RGL1: variants seen among roughly 807,000 people sequenced by gnomAD.
RGL1 encodes ral guanine nucleotide dissociation stimulator-like 1.
RGL1 carries 24 observed loss-of-function variants against 95.2 expected under a neutral mutation model. That is an observed-to-expected ratio of 0.25 (90% CI 0.18 to 0.35). The LOEUF (loss-of-function observed/expected upper bound fraction) is 0.35, where lower values mean the gene tolerates loss of function less well. RGL1 is among the 10% of genes least tolerant of loss of function. The pLI, the probability that RGL1 is intolerant of heterozygous loss-of-function variation, is 1.00. For synonymous variants in RGL1, 329 were observed against 344.9 expected (o/e 0.95, Z 0.51); for missense variants, 715 against 936.3 (o/e 0.76, Z 3.08).
chr1:183,895,234 A>G (rs1667622764), intron 9 of RGL1, among the ~76,000 whole-genome samples: 1 of 152,168 alleles, frequency 6.6e-6, no homozygotes, highest in African/African-American at 2.4e-5. Flanking sequence ...ACCAACATTT[A>G]TGGAGATGGA....
chr1:183,883,985 C>T (rs1302878830), intron 6 of RGL1, 75 bp downstream of exon 6: 2 of 1,479,886 alleles, frequency 1.4e-6, no homozygotes, highest in African/African-American at 1.4e-5. Flanking sequence ...GCCCCGGTGA[C>T]AGCAGTGGGA....
intron 2 of RGL1, among the ~76,000 whole-genome samples, chr1:183,839,579 G>C (rs968572559): frequency 6.6e-6 from 1 of 152,068 alleles, no homozygotes; most frequent in Non-Finnish European, 1.5e-5. Flanking sequence ...CACAACTTTC[G>C]TACTGGTTTT....
At chr1:183,867,608 T>C (rs1665915284) in intron 4 of RGL1, among the ~76,000 whole-genome samples, 1 of 151,492 alleles carries the variant, frequency 6.6e-6, no homozygotes, top group South Asian at 2.1e-4. Flanking sequence ...AATAGAGAAA[T>C]GGATGGAAGA....
At chr1:183,814,398 G>A (rs1174175549) in intron 2 of RGL1, among the ~76,000 whole-genome samples, 2 of 152,092 alleles carry the variant, frequency 1.3e-5, no homozygotes, top group Admixed American at 6.5e-5. Context: ...TGGTGGTTGG[G>A]GGTGGGGTGT....
In RGL1 at chr1:183,892,038, A is replaced by G. The variant is rs761302409; in HGVS notation, c.1056-39A>G. 2.0e-5 allele frequency: 31 copies of G among 1,521,818 alleles called. No individual in the cohort carries two copies. The Admixed American group carries it at 4.9e-4, about 24-fold the overall frequency. The allele number at this position is 1,521,818 out of a possible 1,614,324, so 94.3% of individuals were successfully genotyped here. On this transcript the variant is annotated intron_variant, in intron 8 of 17. Transcript: ENST00000360851. ...GGCCAAAAGTGTCGGGTTATTCCTAACTCTTCATTGTTAATATTTTCTTAA... is the reference window on the plus strand; with the variant it reads ...GGCCAAAAGTGTCGGGTTATTCCTAGCTCTTCATTGTTAATATTTTCTTAA...
intron 1 of RGL1, among the ~76,000 whole-genome samples, chr1:183,733,871 T>G (rs1478438259): frequency 1.3e-5 from 2 of 152,172 alleles, no homozygotes; most frequent in Non-Finnish European, 2.9e-5. Context: ...TATGTGAAAA[T>G]CATGGTGTTC....
intron 2 of RGL1, among the ~76,000 whole-genome samples, chr1:183,817,336 C>A (rs1254158940): frequency 6.6e-6 from 1 of 152,192 alleles, no homozygotes. Context: ...TCCTGGCCTC[C>A]CTGTTAGGAG....
intron 2 of RGL1, among the ~76,000 whole-genome samples, chr1:183,782,640 C>G (rs1558204375): frequency 1.3e-5 from 2 of 152,116 alleles, no homozygotes; most frequent in African/African-American, 4.8e-5. Flanking sequence ...ATGCAGAAGA[C>G]AGAATAGATA....
chr1:183,818,015 T>G (rs1662204045), intron 2 of RGL1, among the ~76,000 whole-genome samples: 1 of 152,200 alleles, frequency 6.6e-6, no homozygotes, highest in East Asian at 1.9e-4. Flanking sequence ...TATGATATTC[T>G]TTACAGAAAT....
intron 2 of RGL1, among the ~76,000 whole-genome samples, chr1:183,791,974 T>A (rs1660461163): frequency 6.6e-6 from 1 of 152,202 alleles, no homozygotes; most frequent in Admixed American, 6.5e-5. Context: ...ATGTATGTAC[T>A]AACTTAGAAG....
intron 1 of RGL1, among the ~76,000 whole-genome samples, chr1:183,700,738 G>C (rs1011793337): frequency 7.9e-5 from 12 of 152,042 alleles, no homozygotes; most frequent in African/African-American, 2.9e-4. Flanking sequence ...AAGAGACGGG[G>C]TTTCACCATG....
intron 2 of RGL1, among the ~76,000 whole-genome samples, chr1:183,823,718 A>G (rs1662654741): frequency 6.6e-6 from 1 of 152,210 alleles, no homozygotes; most frequent in Non-Finnish European, 1.5e-5. Flanking sequence ...GAAGTCAATG[A>G]ATATCATGTC....
intron 2 of RGL1, among the ~76,000 whole-genome samples, chr1:183,840,899 C>CAAACA (rs985612844): frequency 5.3e-5 from 8 of 151,414 alleles, no homozygotes; most frequent in Non-Finnish European, 1.2e-4. Flanking sequence ...CTCTAACAAA[C>CAAACA]AAACAAAACA....
At chr1:183,859,371 CT>C (rs1450025843) in intron 3 of RGL1, among the ~76,000 whole-genome samples, 4 of 152,150 alleles carry the variant, frequency 2.6e-5, no homozygotes, top group Admixed American at 6.6e-5. Flanking sequence ...CAGGAGAGAA[CT>C]TTTTTTCTTT....
intron 1 of RGL1, among the ~76,000 whole-genome samples, chr1:183,656,779 ATAT>A (rs1651196817): frequency 2.0e-5 from 3 of 152,370 alleles, no homozygotes; most frequent in South Asian, 2.1e-4. Flanking sequence ...AATAAAAATG[ATAT>A]TATACAAAGA....
At chr1:183,666,009 T>C (rs182387948) in intron 1 of RGL1, among the ~76,000 whole-genome samples, 1,929 of 148,708 alleles carry the variant, frequency 0.013, 51 homozygotes, top group African/African-American at 0.045. Flanking sequence ...TTTTTTCTTT[T>C]TTTTTTTTTT....
chr1:183,732,207 A>G (rs1656669360), intron 1 of RGL1, among the ~76,000 whole-genome samples: 1 of 152,188 alleles, frequency 6.6e-6, no homozygotes, highest in Non-Finnish European at 1.5e-5. Context: ...GTCAGAACGC[A>G]AGATACAATC....
chr1:183,903,620 CA>C (rs1208782050), intron 12 of RGL1, among the ~76,000 whole-genome samples: 1 of 152,082 alleles, frequency 6.6e-6, no homozygotes, highest in African/African-American at 2.4e-5. Flanking sequence ...GTAAAGTTCA[CA>C]ATCCAGGAGA....
At chr1:183,921,711 G>T (rs183854637) in intron 16 of RGL1, among the ~76,000 whole-genome samples, 7 of 152,140 alleles carry the variant, frequency 4.6e-5, no homozygotes, top group African/African-American at 1.7e-4. Flanking sequence ...TTTTGTGGAC[G>T]TATGTTTTTA....
Sources: gnomAD v4.1 joint callset for allele counts (sites outside exome capture counted in the v4.1 genomes callset) on GRCh38, gnomAD v4.1.1 for gene constraint, MANE v1.5 for transcripts, NCBI Gene and HGNC (gene_info 2026-07-23, HGNC 2026-07-21) for gene names.